The following GAN variants were observed in gnomAD, a reference collection of about 807,000 sequenced individuals.
The protein encoded by GAN is gigaxonin.
A neutral mutation model predicts 71.3 loss-of-function variants in GAN; 48 were observed. The observed-to-expected ratio is 0.67, with a 90% CI of 0.53 to 0.86. The LOEUF (loss-of-function observed/expected upper bound fraction) is 0.86, where lower values mean the gene tolerates loss of function less well. Ranked by LOEUF, GAN falls within the 40% of genes least tolerant of loss-of-function variation. The pLI is 0.00. For synonymous variants in GAN, 386 were observed against 276.8 expected (o/e 1.39, Z -3.92); for missense variants, 928 against 770.1 (o/e 1.21, Z -2.43).
At position 81,382,227 on chromosome 16, in the gene GAN, G is replaced by C. The variant is rs547757599; in HGVS notation, c.*4631G>C. The C allele has an allele frequency of 6.6e-6, 1 of 152,266 alleles. No individual in the cohort carries two copies. Among genetic ancestry groups the C allele is most frequent in the Admixed American group, 6.5e-5 (1 of 15,296 alleles). 9.4% of individuals were successfully genotyped at this position (152,266 alleles called of 1,614,324 possible). ...GAGCAAGAACCAAAAGCAGAAGCCA[G>C]GTCTTTGGATTATCAGCTCACCAGT... On this transcript the variant is annotated 3_prime_UTR_variant, in exon 11 of 11. Transcript: ENST00000648994.
At chr16:81,346,186 A>G (rs901266863) in intron 1 of GAN, among the ~76,000 whole-genome samples, 3 of 152,250 alleles carry the variant, frequency 2.0e-5, no homozygotes, top group Non-Finnish European at 4.4e-5. Flanking sequence ...AATTTAATAT[A>G]AAGAATTATT....
rs1910821157 is a variant in GAN, at chr16:81,365,419, C to G, written c.1443C>G (p.Asp481Glu). 6.2e-7 allele frequency: 1 copy of G among 1,613,408 alleles called. No homozygotes were observed. ...TTGGGGGAGTCCGAAGTCGTGAGGA[C>G]GCCCAGGGTAGCGAGATGGTAACTT... is the stretch of plus-strand genomic sequence containing the variant. ...YVFGGVRSREDAQGSEMVTCK... is the reference protein window; with the variant it reads ...YVFGGVRSREEAQGSEMVTCK... The change falls in exon 9 of 11, where the codon GAC becomes GAG. Residue 481 changes from aspartate (D) to glutamate (E), a missense_variant. Transcript: ENST00000648994.
At chr16:81,361,798 G>A (rs966192582) in intron 5 of GAN, among the ~76,000 whole-genome samples, 5 of 152,026 alleles carry the variant, frequency 3.3e-5, no homozygotes, top group East Asian at 1.9e-4. Flanking sequence ...GGGCTCAAGC[G>A]ATCCTCCCAT....
In GAN at chr16:81,351,595, C is replaced by T; in HGVS notation, c.180C>T (p.Asn60=). The T allele has an allele frequency of 6.9e-7, 1 of 1,451,516 alleles. No homozygotes were observed. The highest frequency in any genetic ancestry group is 2.3e-5 in the East Asian group (1 of 44,110). 89.9% of individuals were successfully genotyped at this position (1,451,516 alleles called of 1,614,324 possible). A position where few individuals can be genotyped will look rare whatever the true frequency, so the allele number is the denominator to read the frequency against. The change falls in exon 2 of 11, where the codon AAC becomes AAT. Residue 60 remains asparagine, a synonymous_variant. Coordinates refer to ENST00000648994, the MANE Select transcript of GAN (RefSeq NM_022041.4). ...TTCCCTTTCTTAGGACAAAGTTAAA[C>T]TATAATCCTCCAAAAGATGATGGAT... The part of the protein sequence containing the change: ...AASPYIRTKL[N]YNPPKDDGST...
At chr16:81,350,201 A>G (rs58590084) in intron 1 of GAN, among the ~76,000 whole-genome samples, 4,388 of 152,336 alleles carry the variant, frequency 0.029, 108 homozygotes, top group East Asian at 0.082. Context: ...AAAAATGAAC[A>G]AGAAACATGA....
In GAN at chr16:81,387,436, G is replaced by A. The variant is rs563497809; in HGVS notation, c.*9840G>A. 6.6e-6 allele frequency: 1 copy of A among 152,410 alleles called. No homozygotes were observed. Among genetic ancestry groups the A allele is most frequent in the African/African-American group, 2.4e-5 (1 of 41,570 alleles). The allele number at this position is 152,410 out of a possible 1,614,324, so 9.4% of individuals were successfully genotyped here. A position where few individuals can be genotyped will look rare whatever the true frequency, so the allele number is the denominator to read the frequency against. The stretch of plus-strand genomic sequence containing the variant: ...GTTTTGTCTTGTCCTCCTCCCTGGT[G>A]AAAGTCTACTGCAGTTTTATTCTCA... On this transcript the variant is annotated 3_prime_UTR_variant, in exon 11 of 11. Coordinates refer to ENST00000648994, the MANE Select transcript of GAN (RefSeq NM_022041.4).
In GAN at chr16:81,341,888, C is replaced by G. The variant is rs552652552; in HGVS notation, c.168-9695C>G. Among the ~76,000 whole-genome samples, 9 of 152,252 alleles carry G rather than the reference C, an allele frequency of 5.9e-5. No individual in the cohort carries two copies. In the East Asian group the frequency reaches 1.7e-3, roughly 29 times the overall value. On this transcript the variant is annotated intron_variant, in intron 1 of 10. Transcript: ENST00000648994. ...ATCAGTGTGCTGTGTTCAGGAGACC[C>G]ATCTCACATGCAAAGACACACATAG...
At chr16:81,319,673 G>C (rs183820371) in intron 1 of GAN, among the ~76,000 whole-genome samples, 1 of 152,264 alleles carries the variant, frequency 6.6e-6, no homozygotes, top group Non-Finnish European at 1.5e-5. Context: ...TAGATCCTTT[G>C]ATGAGTCAGC....
chr16:81,333,523 G>A (rs1423531290), intron 1 of GAN, among the ~76,000 whole-genome samples: 1 of 152,168 alleles, frequency 6.6e-6, no homozygotes, highest in Non-Finnish European at 1.5e-5. Context: ...AGCCTGGGGG[G>A]AAAAGGATTT....
chr16:81,366,441 A>C (rs993424343), intron 9 of GAN, among the ~76,000 whole-genome samples: 1 of 152,326 alleles, frequency 6.6e-6, no homozygotes, highest in East Asian at 1.9e-4. Context: ...ACTGAGCAGT[A>C]TTCTTATTGC....
At chr16:81,352,213 G>A (rs936744060) in intron 2 of GAN, among the ~76,000 whole-genome samples, 1 of 152,168 alleles carries the variant, frequency 6.6e-6, no homozygotes, top group Non-Finnish European at 1.5e-5. Context: ...CCCTGGTCCT[G>A]TTGCCTCAGT....
chr16:81,317,002 A>G (rs6564867), intron 1 of GAN, among the ~76,000 whole-genome samples: 143,959 of 152,206 alleles, frequency 0.95, 68,125 homozygotes, highest in Middle Eastern at 0.98. Flanking sequence ...GGGATTACAA[A>G]CGCCCGCCAC....
Position 81,329,760 on chromosome 16 carries a change from C to G in GAN, c.167+14480C>G, listed in dbSNP as rs1410550978. Reference sequence around the variant, plus strand: ...TTTTCTGGCTCTCCTCCCCATCTGTCCCTATACCTTGATTAGACATAAGAT... The same window carrying G: ...TTTTCTGGCTCTCCTCCCCATCTGTGCCTATACCTTGATTAGACATAAGAT... On this transcript the variant is annotated intron_variant, in intron 1 of 10. Coordinates refer to ENST00000648994, the MANE Select transcript of GAN (RefSeq NM_022041.4). Among the ~76,000 whole-genome samples, 4 of 152,290 alleles carry G rather than the reference C, an allele frequency of 2.6e-5. No homozygotes were observed. In the East Asian group the frequency reaches 7.7e-4, roughly 29 times the overall value.
intron 7 of GAN, among the ~76,000 whole-genome samples, chr16:81,364,611 C>G (rs777455424): frequency 6.6e-6 from 1 of 152,106 alleles, no homozygotes; most frequent in African/African-American, 2.4e-5. Flanking sequence ...ATCTGTTGAG[C>G]CCAGGAGTTT....
intron 1 of GAN, among the ~76,000 whole-genome samples, chr16:81,322,455 T>A (rs1321449277): frequency 6.6e-6 from 1 of 152,260 alleles, no homozygotes; most frequent in African/African-American, 2.4e-5. Context: ...ATGCGTATCA[T>A]AAATGGAAGA....
At chr16:81,370,727 T>A (rs528456420) in intron 9 of GAN, among the ~76,000 whole-genome samples, 1 of 152,388 alleles carries the variant, frequency 6.6e-6, no homozygotes, top group South Asian at 2.1e-4. Flanking sequence ...GCCTTGCCAG[T>A]CTGCACCCTC....
In GAN at chr16:81,385,504, T is replaced by C. The variant is rs1184853680; in HGVS notation, c.*7908T>C. ...CTCCGTTTCTTATGTGGAAGAAGAA[T>C]AGCAGGAGGACTCACCTCTGCGGGT... On this transcript the variant is annotated 3_prime_UTR_variant, in exon 11 of 11. Coordinates refer to ENST00000648994, the MANE Select transcript of GAN (RefSeq NM_022041.4). 2 of 152,118 alleles carry C rather than the reference T, an allele frequency of 1.3e-5. No homozygotes were observed. Among genetic ancestry groups the C allele is most frequent in the Non-Finnish European group, 2.9e-5 (2 of 68,042 alleles). 9.4% of individuals were successfully genotyped at this position (152,118 alleles called of 1,614,324 possible).
At chr16:81,323,497 CT>C (rs1909284214) in intron 1 of GAN, among the ~76,000 whole-genome samples, 1 of 152,176 alleles carries the variant, frequency 6.6e-6, no homozygotes, top group African/African-American at 2.4e-5. Flanking sequence ...TCATCACTGC[CT>C]TAACCCATAT....
At chr16:81,374,880 G>C (rs961466852) in intron 9 of GAN, among the ~76,000 whole-genome samples, 4 of 152,236 alleles carry the variant, frequency 2.6e-5, no homozygotes, top group Non-Finnish European at 5.9e-5. Flanking sequence ...GGAAAGAAAA[G>C]CCTTTAGCAA....
Sources: gnomAD v4.1 joint callset for allele counts (sites outside exome capture counted in the v4.1 genomes callset) on GRCh38, gnomAD v4.1.1 for gene constraint, MANE v1.5 for transcripts, NCBI Gene and HGNC (gene_info 2026-07-23, HGNC 2026-07-21) for gene names.